Variants in PAPSS1 observed in about 807,000 individuals in gnomAD.
PAPSS1 encodes the protein 3'-phosphoadenosine 5'-phosphosulfate synthase 1, also known as bifunctional 3'-phosphoadenosine 5'-phosphosulfate synthase 1.
In PAPSS1, 50 loss-of-function variants were observed where a neutral mutation model predicts 72.0. That is an observed-to-expected ratio of 0.69 (90% CI 0.55 to 0.88). PAPSS1 has a LOEUF of 0.88. Ranked by LOEUF, PAPSS1 falls within the 40% of genes least tolerant of loss-of-function variation. The pLI is 0.00. For synonymous variants in PAPSS1, 261 were observed against 263.6 expected (o/e 0.99, Z 0.09); for missense variants, 657 against 782.2 (o/e 0.84, Z 1.91).
At chr4:107,647,531 A>G (rs1173209508) in intron 9 of PAPSS1, among the ~76,000 whole-genome samples, 2 of 152,188 alleles carry the variant, frequency 1.3e-5, no homozygotes, top group Non-Finnish European at 2.9e-5. Context: ...CCAACCTTTT[A>G]TATGTCATCT....
At position 107,687,292 on chromosome 4, in the gene PAPSS1, A is replaced by G. The variant is rs1578422835; in HGVS notation, c.412-115T>C. 4 of 692,254 alleles carry G rather than the reference A, an allele frequency of 5.8e-6. No individual in the cohort carries two copies. In the East Asian group the frequency reaches 1.3e-4, roughly 23 times the overall value. 42.9% of individuals were successfully genotyped at this position (692,254 alleles called of 1,614,324 possible). A position where few individuals can be genotyped will look rare whatever the true frequency, so the allele number is the denominator to read the frequency against. On this transcript the variant is annotated intron_variant, in intron 3 of 11. Transcript: ENST00000265174. ...ATTTAGTGGGAAATAGACAAAATTT[A>G]TGTTTTTAAATATAAACTGAAAAAA...
Position 107,614,319 on chromosome 4 carries a change from G to T in PAPSS1, c.1805C>A (p.Pro602His). ...RKLAREGQKP[P>H]EGFMAPKAWT... is the part of the protein sequence containing the mutation. ...AGCCTTGGGAGCCATGAAACCTTCA[G>T]GTGGTTTCTGGCCTTCTCGAGCAAG... is the stretch of plus-strand genomic sequence containing the variant. Residue 602 changes from proline (P) to histidine (H), a missense_variant, in exon 12 of 12, where the codon CCT becomes CAT. Pro to His is a moderately conservative substitution (Grantham distance 77). Around this residue, in one of 7 missense-constraint regions of PAPSS1, gnomAD observed 103 missense variants for 93.8 expected, o/e 1.10. Coordinates refer to ENST00000265174, the MANE Select transcript of PAPSS1 (RefSeq NM_005443.5). 6.2e-7 allele frequency: 1 copy of T among 1,613,886 alleles called. No homozygotes were observed. Among genetic ancestry groups the T allele is most frequent in the Non-Finnish European group, 8.5e-7 (1 of 1,179,792 alleles).
At chr4:107,682,949 T>C (rs1026924295) in intron 4 of PAPSS1, among the ~76,000 whole-genome samples, 1 of 152,216 alleles carries the variant, frequency 6.6e-6, no homozygotes, top group Non-Finnish European at 1.5e-5. Context: ...ATAATTTTAG[T>C]ATTAACCACT....
In PAPSS1 at chr4:107,657,017, T is replaced by C. The variant is rs373169207; in HGVS notation, c.784-10A>G. 1.9e-6 allele frequency: 3 copies of C among 1,602,068 alleles called. No homozygotes were observed. ...CCCACTGCATATCCACCTAGTAAAT[T>C]TGAAAGTAAAGCAAAATTTTCTATT... On this transcript the variant is annotated splice_polypyrimidine_tract_variant and intron_variant, in intron 6 of 11. Transcript: ENST00000265174.
intron 6 of PAPSS1, among the ~76,000 whole-genome samples, chr4:107,659,351 G>C (rs1239457073): frequency 6.6e-6 from 1 of 152,192 alleles, no homozygotes; most frequent in Non-Finnish European, 1.5e-5. Context: ...TATATTAAAA[G>C]AAAGGATGGG....
chr4:107,624,592 T>C (rs1578381071), intron 11 of PAPSS1, among the ~76,000 whole-genome samples: 1 of 152,184 alleles, frequency 6.6e-6, no homozygotes, highest in East Asian at 1.9e-4. Flanking sequence ...ATCCAGTATA[T>C]ATAAAATATA....
chr4:107,646,083 G>A (rs1726685218), intron 9 of PAPSS1, among the ~76,000 whole-genome samples: 1 of 152,010 alleles, frequency 6.6e-6, no homozygotes, highest in Middle Eastern at 3.2e-3. Flanking sequence ...GAACAGGGCT[G>A]GTTTTCACAA....
At chr4:107,643,471 G>C (rs940719909) in intron 10 of PAPSS1, among the ~76,000 whole-genome samples, 2 of 152,152 alleles carry the variant, frequency 1.3e-5, no homozygotes, top group African/African-American at 2.4e-5. Flanking sequence ...CTGAACTGTA[G>C]CTCGACCTCC....
At chr4:107,652,927 T>C (rs1038729077) in intron 9 of PAPSS1, among the ~76,000 whole-genome samples, 2 of 152,092 alleles carry the variant, frequency 1.3e-5, no homozygotes, top group African/African-American at 4.8e-5. Flanking sequence ...TCGTGTATCA[T>C]TGGTACAATG....
intron 6 of PAPSS1, 31 bp from the exon 7 acceptor site, chr4:107,657,038 C>T (rs764525117): frequency 2.9e-6 from 4 of 1,401,396 alleles, no homozygotes; most frequent in South Asian, 1.2e-5. Flanking sequence ...GCAAAATTTT[C>T]TATTGCATGT....
chr4:107,633,523 C>G (rs1446736794), intron 10 of PAPSS1, among the ~76,000 whole-genome samples: 1 of 151,764 alleles, frequency 6.6e-6, no homozygotes, highest in Non-Finnish European at 1.5e-5. Context: ...AATAATAAAA[C>G]TGTGTGTGTA....
At chr4:107,682,203 A>G in intron 4 of PAPSS1, 70 bp from the exon 5 acceptor site, 1 of 779,126 alleles carries the variant, frequency 1.3e-6, no homozygotes. Context: ...TTCAGTGCAG[A>G]TCTCTGCTAC....
intron 9 of PAPSS1, among the ~76,000 whole-genome samples, chr4:107,650,901 T>C (rs887807890): frequency 6.6e-6 from 1 of 152,146 alleles, no homozygotes; most frequent in Non-Finnish European, 1.5e-5. Flanking sequence ...AAAGAAAATC[T>C]TTCCTGAAAA....
Position 107,653,660 on chromosome 4 carries a change from C to T in PAPSS1, c.1102-34G>A, listed in dbSNP as rs184761750. The T allele has an allele frequency of 2.0e-5, 31 of 1,589,482 alleles. No individual in the cohort carries two copies. In the East Asian group the frequency reaches 5.4e-4, roughly 28 times the overall value. ...AAAAACAAATTTTTTTAATGGAAACCGAGATCAAAATAAGTAAAAACATTT... is the reference window on the plus strand; with the variant it reads ...AAAAACAAATTTTTTTAATGGAAACTGAGATCAAAATAAGTAAAAACATTT... On this transcript the variant is annotated intron_variant, in intron 8 of 11. Coordinates refer to ENST00000265174, the MANE Select transcript of PAPSS1 (RefSeq NM_005443.5).
At chr4:107,649,459 C>A (rs1469098456) in intron 9 of PAPSS1, among the ~76,000 whole-genome samples, 2 of 152,240 alleles carry the variant, frequency 1.3e-5, no homozygotes, top group Non-Finnish European at 2.9e-5. Context: ...TCCCTTAACT[C>A]TGACCACCTT....
At chr4:107,642,969 T>G (rs1012799746) in intron 10 of PAPSS1, among the ~76,000 whole-genome samples, 5 of 152,178 alleles carry the variant, frequency 3.3e-5, no homozygotes, top group Non-Finnish European at 7.3e-5. Flanking sequence ...CAAAAAGACA[T>G]GCACTAAAAC....
intron 11 of PAPSS1, among the ~76,000 whole-genome samples, chr4:107,631,058 A>G (rs146715734): frequency 0.013 from 2,026 of 152,338 alleles, 24 homozygotes; most frequent in Non-Finnish European, 0.017. Flanking sequence ...GGCTATACAT[A>G]TAAGGTATAT....
chr4:107,689,088 G>A (rs1015788819), intron 3 of PAPSS1, among the ~76,000 whole-genome samples: 6 of 152,002 alleles, frequency 3.9e-5, no homozygotes, highest in East Asian at 1.9e-4. Context: ...TTGTCTGAAC[G>A]GCCTCAACAT....
Position 107,614,160 on chromosome 4 carries a change from C to CA in PAPSS1, c.*88dup. The CA allele has an allele frequency of 3.7e-6, 5 of 1,366,834 alleles. No homozygotes were observed. Among genetic ancestry groups the CA allele is most frequent in the Non-Finnish European group, 5.1e-6 (5 of 988,882 alleles). 84.7% of individuals were successfully genotyped at this position (1,366,834 alleles called of 1,614,324 possible). On this transcript the variant is annotated 3_prime_UTR_variant, in exon 12 of 12. Coordinates refer to ENST00000265174, the MANE Select transcript of PAPSS1 (RefSeq NM_005443.5). ...TCTGTTTTTAGGAAGCATGTCCAGA[C>CA]AGACACCACAAAGAAATGCCAACAG...
Sources: gnomAD v4.1 joint callset for allele counts (sites outside exome capture counted in the v4.1 genomes callset) on GRCh38, gnomAD v4.1.1 for gene constraint, gnomAD v4.1.1 regional missense constraint, MANE v1.5 for transcripts, NCBI Gene and HGNC (gene_info 2026-07-23, HGNC 2026-07-21) for gene names.